The following LTBP1 variants were observed in gnomAD, a reference collection of about 807,000 sequenced individuals.
The protein encoded by LTBP1 is latent-transforming growth factor beta-binding protein 1.
In LTBP1, 129 loss-of-function variants were observed where a neutral mutation model predicts 207.6. The ratio of observed to expected loss-of-function variants is 0.62; its 90% CI spans 0.54 to 0.72. The LOEUF (loss-of-function observed/expected upper bound fraction) is 0.72, where lower values mean the gene tolerates loss of function less well. Ranked by LOEUF, LTBP1 falls within the 30% of genes least tolerant of loss-of-function variation. LTBP1 has a pLI of 0.00. For missense variants in LTBP1, 2,281 were observed against 2,217.2 expected (o/e 1.03, Z -0.58); for synonymous variants, 963 against 833.7 (o/e 1.16, Z -2.67).
Position 33,350,628 on chromosome 2 carries a change from TG to T in LTBP1, c.4000+3119del, listed in dbSNP as rs373708300. ...TTAGGTCTGCCTTAATGTTTTTTAC[TG>T]CCTGGGCCTTTGGCCACTAATTTAC... On this transcript the variant is annotated intron_variant, in intron 26 of 33. Coordinates refer to ENST00000404816, the MANE Select transcript of LTBP1 (RefSeq NM_206943.4). 3.9e-5 allele frequency among the ~76,000 whole-genome samples: 6 copies of T among 152,370 alleles called. No homozygotes were observed. The East Asian group carries it at 1.2e-3, about 29-fold the overall frequency.
At chr2:33,379,402 G>C (rs1002961978) in intron 31 of LTBP1, among the ~76,000 whole-genome samples, 1 of 151,730 alleles carries the variant, frequency 6.6e-6, no homozygotes, top group Non-Finnish European at 1.5e-5. Context: ...TTAGAGAGAG[G>C]GTTTTACCTT....
At chr2:33,146,321 T>A (rs2083038580) in intron 5 of LTBP1, among the ~76,000 whole-genome samples, 1 of 152,136 alleles carries the variant, frequency 6.6e-6, no homozygotes, top group South Asian at 2.1e-4. Context: ...AACCTAACAA[T>A]TTGGTGGTGG....
At chr2:33,004,659 C>T (rs1226202482) in intron 2 of LTBP1, among the ~76,000 whole-genome samples, 4 of 150,494 alleles carry the variant, frequency 2.7e-5, no homozygotes, top group Admixed American at 2.7e-4. Context: ...ACTGTAATCC[C>T]AGCTACTCAG....
intron 12 of LTBP1, 37 bp from the exon 13 acceptor site, chr2:33,259,551 A>G: frequency 3.3e-6 from 5 of 1,507,114 alleles, no homozygotes; most frequent in Non-Finnish European, 4.5e-6. Flanking sequence ...GAATTGTCTT[A>G]AATGGTACTA....
chr2:33,229,708 A>G (rs1006423437), intron 9 of LTBP1, among the ~76,000 whole-genome samples: 2 of 152,208 alleles, frequency 1.3e-5, no homozygotes, highest in African/African-American at 4.8e-5. Flanking sequence ...CTCTGTCGGT[A>G]CGGCTGACTG....
chr2:32,975,080 A>C (rs1199106850), intron 2 of LTBP1, among the ~76,000 whole-genome samples: 1 of 152,212 alleles, frequency 6.6e-6, no homozygotes, highest in African/African-American at 2.4e-5. Flanking sequence ...GGTGGTAACA[A>C]ATTCCTTTAG....
At chr2:33,379,812 T>C (rs1407818860) in intron 31 of LTBP1, among the ~76,000 whole-genome samples, 1 of 152,256 alleles carries the variant, frequency 6.6e-6, no homozygotes, top group Non-Finnish European at 1.5e-5. Context: ...ATTACATTGA[T>C]TAGAACTTGC....
chr2:33,172,087 A>G (rs990771261), intron 5 of LTBP1, among the ~76,000 whole-genome samples: 2 of 152,240 alleles, frequency 1.3e-5, no homozygotes, highest in East Asian at 3.8e-4. Flanking sequence ...GGCTAGGAAG[A>G]AACTGCATCA....
rs138139136 is a variant in LTBP1, at chr2:32,963,841, A to T, written c.565+14896A>T. 3.7e-3 allele frequency among the ~76,000 whole-genome samples: 565 copies of T among 152,206 alleles called. 3 individuals are homozygous for T. Among genetic ancestry groups the T allele is most frequent in the African/African-American group, 0.013 (549 of 41,526 alleles). On this transcript the variant is annotated intron_variant, in intron 2 of 33. Coordinates refer to ENST00000404816, the MANE Select transcript of LTBP1 (RefSeq NM_206943.4). ...CCTCATTTTCACAAGCACCCATCTG[A>T]CTGATCCACACTGAAGCTTGAGGGC...
intron 2 of LTBP1, among the ~76,000 whole-genome samples, chr2:33,015,822 A>G (rs10196459): frequency 0.03 from 4,619 of 152,304 alleles, 95 homozygotes; most frequent in South Asian, 0.056. Flanking sequence ...GGAGCAAGGC[A>G]CAAAACATGA....
intron 18 of LTBP1, among the ~76,000 whole-genome samples, chr2:33,279,707 A>G (rs113540417): frequency 7.0e-4 from 106 of 152,358 alleles, no homozygotes; most frequent in African/African-American, 2.5e-3. Context: ...TTCTTTCTGG[A>G]AAGCTGTGCT....
chr2:33,171,986 C>G (rs529869619), intron 5 of LTBP1, among the ~76,000 whole-genome samples: 11 of 152,254 alleles, frequency 7.2e-5, no homozygotes, highest in African/African-American at 2.4e-4. Context: ...CAGGCCTGCC[C>G]TAAAAGAGCT....
At chr2:33,055,845 C>T (rs912378399) in intron 3 of LTBP1, among the ~76,000 whole-genome samples, 3 of 152,126 alleles carry the variant, frequency 2.0e-5, no homozygotes, top group Non-Finnish European at 2.9e-5. Context: ...ACCCATAGCC[C>T]GTGGGTTTTT....
At chr2:33,265,241 A>G (rs1453890328) in intron 15 of LTBP1, among the ~76,000 whole-genome samples, 3 of 152,218 alleles carry the variant, frequency 2.0e-5, no homozygotes, top group African/African-American at 7.2e-5. Context: ...AGTCCAGTTG[A>G]CTCATGAAAT....
chr2:33,117,670 G>A (rs957769440), intron 4 of LTBP1, among the ~76,000 whole-genome samples: 22 of 152,240 alleles, frequency 1.4e-4, no homozygotes, highest in African/African-American at 5.1e-4. Flanking sequence ...GGCTCTGGAT[G>A]CCTAGTGCCA....
chr2:32,964,079 G>C (rs1032002939), intron 2 of LTBP1, among the ~76,000 whole-genome samples: 1 of 152,148 alleles, frequency 6.6e-6, no homozygotes, highest in Non-Finnish European at 1.5e-5. Context: ...GTGCTTCCTC[G>C]CGTCAAGATC....
chr2:33,325,016 ACC>A (rs755669726), intron 24 of LTBP1, among the ~76,000 whole-genome samples: 11 of 151,604 alleles, frequency 7.3e-5, no homozygotes, highest in Admixed American at 2.0e-4. Context: ...CTATTTTTAA[ACC>A]CCATATTTAT....
chr2:32,981,724 G>A (rs1682790018), intron 2 of LTBP1, among the ~76,000 whole-genome samples: 1 of 152,120 alleles, frequency 6.6e-6, no homozygotes, highest in African/African-American at 2.4e-5. Flanking sequence ...TTGAATCATG[G>A]GGGCGAGTTT....
At chr2:32,991,084 G>A (rs1215500220) in intron 2 of LTBP1, among the ~76,000 whole-genome samples, 1 of 152,222 alleles carries the variant, frequency 6.6e-6, no homozygotes. Context: ...TTGAGGAGAA[G>A]AAAGTGCCGA....
Sources: gnomAD v4.1 joint callset for allele counts (sites outside exome capture counted in the v4.1 genomes callset) on GRCh38, gnomAD v4.1.1 for gene constraint, MANE v1.5 for transcripts, NCBI Gene and HGNC (gene_info 2026-07-23, HGNC 2026-07-21) for gene names.